Variants in TMEM87A observed in about 807,000 individuals in gnomAD.
The protein encoded by TMEM87A is Golgi-pH regulating cation channel.
Under a neutral mutation model 90.0 loss-of-function variants are expected in TMEM87A, and 50 were observed. That is an observed-to-expected ratio of 0.56 (90% confidence interval 0.44 to 0.70). The LOEUF (loss-of-function observed/expected upper bound fraction) is 0.70, where lower values mean the gene tolerates loss of function less well. TMEM87A is among the 30% of genes least tolerant of loss of function. TMEM87A has a pLI of 0.00. For missense variants in TMEM87A, 577 were observed against 660.5 expected (o/e 0.87, Z 1.39); for synonymous variants, 226 against 226.7 (o/e 1.00, Z 0.03).
intron 19 of TMEM87A, among the ~76,000 whole-genome samples, chr15:42,215,004 G>A (rs1185186849): frequency 6.6e-6 from 1 of 152,184 alleles, no homozygotes; most frequent in East Asian, 1.9e-4. Flanking sequence ...CAATTTCATA[G>A]CTGTGTGAAC....
Position 42,272,064 on chromosome 15 carries a change from C to G in TMEM87A, c.204G>C (p.Lys68Asn), listed in dbSNP as rs760995369. ...ILFRNTTIFL[K>N]FDGEPCDLSL... ...ACTTCATGAAATTCAAAAACTCACA[C>G]TTCAGGAAGATAGTGGTATTTCTGA... is the stretch of plus-strand genomic sequence containing the variant. Residue 68 changes from lysine to asparagine, a missense_variant and splice_region_variant, in exon 2 of 20, where the codon AAG (lysine) becomes AAC (asparagine). Coordinates refer to ENST00000389834, the MANE Select transcript of TMEM87A (RefSeq NM_015497.5). 3 of 1,600,942 alleles carry G rather than the reference C, an allele frequency of 1.9e-6. No homozygotes were observed. The highest frequency in any genetic ancestry group is 1.7e-6 in the Non-Finnish European group (2 of 1,175,868).
intron 2 of TMEM87A, among the ~76,000 whole-genome samples, chr15:42,269,478 T>C (rs949191996): frequency 2.6e-5 from 4 of 152,154 alleles, no homozygotes; most frequent in South Asian, 2.1e-4. Flanking sequence ...TAAAAAGCAA[T>C]TGGGCTATGA....
intron 2 of TMEM87A, among the ~76,000 whole-genome samples, chr15:42,268,985 T>C (rs1426618190): frequency 6.6e-6 from 1 of 151,588 alleles, no homozygotes; most frequent in African/African-American, 2.4e-5. Context: ...AAGGTAGAAA[T>C]AGCAAAAGCA....
intron 6 of TMEM87A, chr15:42,258,753 A>C: frequency 7.1e-7 from 1 of 1,417,722 alleles, no homozygotes; most frequent in Non-Finnish European, 9.2e-7. Flanking sequence ...GTTTAAAAAA[A>C]TTAACAAAGA....
chr15:42,251,421 G>C (rs1054695359), intron 6 of TMEM87A, among the ~76,000 whole-genome samples: 35 of 152,180 alleles, frequency 2.3e-4, no homozygotes, highest in Non-Finnish European at 3.1e-4. Context: ...TACAGATGGG[G>C]TTTTGGTGTG....
At chr15:42,236,484 C>T in intron 9 of TMEM87A, 65 bp from the exon 10 acceptor site, 1 of 1,275,702 alleles carries the variant, frequency 7.8e-7, no homozygotes, top group Non-Finnish European at 1.1e-6. Context: ...GATGCCAATA[C>T]TAGACTGCTG....
chr15:42,258,624 A>T, intron 6 of TMEM87A: 1 of 722,190 alleles, frequency 1.4e-6, no homozygotes, highest in Non-Finnish European at 1.8e-6. Flanking sequence ...ACAAAGTTTC[A>T]CCACATTGGC....
chr15:42,243,436 T>C (rs960134799), intron 7 of TMEM87A, among the ~76,000 whole-genome samples: 1 of 151,382 alleles, frequency 6.6e-6, no homozygotes, highest in African/African-American at 2.4e-5. Context: ...AGATGATGAC[T>C]CTATGAACTA....
chr15:42,273,391 G>A lies in TMEM87A; in HGVS notation c.8C>T (p.Ala3Val), dbSNP rs1412621786. MA[A>V]AAWLQVLPVI... ...AGGCAACACCTGAAGCCACGCAGCC[G>A]CCGCCATCTTCACAGCCGTGGAGTG... The change falls in exon 1 of 20, where the codon GCG becomes GTG. Residue 3 changes from alanine (A) to valine (V), a missense_variant. Ala to Val is a moderately conservative substitution (Grantham distance 64). Transcript: ENST00000389834. The A allele has an allele frequency of 1.2e-6, 2 of 1,613,940 alleles. No individual in the cohort carries two copies. Among genetic ancestry groups the A allele is most frequent in the Middle Eastern group, 1.6e-4 (1 of 6,062 alleles).
At chr15:42,239,562 G>T in intron 8 of TMEM87A, 108 bp downstream of exon 8, 1 of 943,080 alleles carries the variant, frequency 1.1e-6, no homozygotes, top group Non-Finnish European at 1.7e-6. Flanking sequence ...AACATTTTCT[G>T]AATTGCACAG....
rs200929706 is a variant in TMEM87A at position 42,233,169 on chromosome 15, T to C, written c.1062+44A>G. 196 of 1,503,062 alleles carry C rather than the reference T, an allele frequency of 1.3e-4. No individual in the cohort carries two copies. In the African/African-American group the frequency reaches 2.4e-3, roughly 18 times the overall value. The allele number at this position is 1,503,062 out of a possible 1,614,324, so 93.1% of individuals were successfully genotyped here. On this transcript the variant is annotated intron_variant, in intron 11 of 19. Transcript: ENST00000389834. Reference sequence around the variant, plus strand: ...ATCCACACTGTCAAGATGTAAACAATATAATTGAACTGACCACAGAAAATG... The same window carrying C: ...ATCCACACTGTCAAGATGTAAACAACATAATTGAACTGACCACAGAAAATG...
At position 42,211,571 on chromosome 15, in the gene TMEM87A, C is replaced by A. The variant is rs2050287190; in HGVS notation, c.*137G>T. On this transcript the variant is annotated 3_prime_UTR_variant, in exon 20 of 20. Transcript: ENST00000389834. ...TCTTTGTTCTGACACCTCTCGCCAA[C>A]TCCAATGCCCAAAGATCAAGGAACA... The A allele has an allele frequency of 1.2e-6, 1 of 826,608 alleles. No individual in the cohort carries two copies. Among genetic ancestry groups the A allele is most frequent in the East Asian group, 2.6e-5 (1 of 38,910 alleles). 51.2% of individuals were successfully genotyped at this position (826,608 alleles called of 1,614,324 possible).
At chr15:42,213,349 C>T (rs1459537591) in intron 19 of TMEM87A, among the ~76,000 whole-genome samples, 3 of 152,198 alleles carry the variant, frequency 2.0e-5, no homozygotes, top group Non-Finnish European at 2.9e-5. Context: ...TCACTACAGC[C>T]GCTCCCCCAG....
chr15:42,217,883 A>G (rs747742828), intron 18 of TMEM87A, 50 bp from the exon 19 acceptor site: 1 of 1,571,032 alleles, frequency 6.4e-7, no homozygotes, highest in East Asian at 2.3e-5. Context: ...TAAAGCCATA[A>G]ATGGTTCATA....
intron 7 of TMEM87A, 102 bp from the exon 8 acceptor site, chr15:42,239,833 T>C: frequency 9.9e-7 from 1 of 1,006,836 alleles, no homozygotes; most frequent in Non-Finnish European, 1.6e-6. Context: ...TTTCATTGGG[T>C]CATTTACTTT....
chr15:42,249,142 A>G lies in TMEM87A; in HGVS notation c.505-4975T>C, dbSNP rs181735312. Among the ~76,000 whole-genome samples, 503 of 152,098 alleles carry G rather than the reference A, an allele frequency of 3.3e-3. 2 individuals carry two copies. The highest frequency in any genetic ancestry group is 0.012 in the African/African-American group (486 of 41,478). ...GATCAGTAGTGATATCCCCTTTATC[A>G]TTTTTTATTGCATCTATTTGATTCT... On this transcript the variant is annotated intron_variant, in intron 6 of 19. Transcript: ENST00000389834.
chr15:42,211,941 A>G (rs2050295232), intron 19 of TMEM87A, among the ~76,000 whole-genome samples, 192 bp from the exon 20 acceptor site: 1 of 152,232 alleles, frequency 6.6e-6, no homozygotes, highest in African/African-American at 2.4e-5. Context: ...AAGAACAACT[A>G]AATCAAAAGC....
intron 3 of TMEM87A, among the ~76,000 whole-genome samples, chr15:42,267,626 A>G (rs764157058): frequency 2.0e-4 from 30 of 152,356 alleles, no homozygotes; most frequent in Non-Finnish European, 4.0e-4. Flanking sequence ...AAAAACAGTT[A>G]TTTATATTAA....
At position 42,227,728 on chromosome 15, in the gene TMEM87A, T is replaced by C; in HGVS notation, c.1282A>G (p.Ile428Val). Residue 428 changes from isoleucine to valine, a missense_variant, in exon 14 of 20, where the codon ATA becomes GTA. Physicochemically the swap from Ile to Val is conservative, Grantham distance 29. Transcript: ENST00000389834. ...FIIWTTMKFR[I>V]VTCQSDWREL... is the part of the protein sequence containing the mutation. ...TAACTCACCGACTGACATGTCACTA[T>C]TCTGAACTTCATGGTTGTCCAGATG... is the stretch of plus-strand genomic sequence containing the variant. 1.2e-6 allele frequency: 2 copies of C among 1,613,974 alleles called. No homozygotes were observed. Among genetic ancestry groups the C allele is most frequent in the Non-Finnish European group, 1.7e-6 (2 of 1,179,910 alleles).
Sources: allele counts gnomAD v4.1 joint callset (sites outside exome capture counted in the v4.1 genomes callset), GRCh38; gene constraint gnomAD v4.1.1; transcripts MANE v1.5; gene names NCBI Gene and HGNC (gene_info 2026-07-23, HGNC 2026-07-21).